INSL6: variants seen among roughly 807,000 people sequenced by gnomAD.
The protein encoded by INSL6 is insulin-like peptide INSL6.
INSL6 carries 16 observed loss-of-function variants against 9.4 expected under a neutral mutation model. The observed-to-expected ratio is 1.70, with a 90% CI of 1.15 to 2.59. The LOEUF is 2.59. Ranked by LOEUF, INSL6 falls within the 30% of genes most tolerant of loss-of-function variation. The pLI, the probability that INSL6 is intolerant of heterozygous loss-of-function variation, is 0.00. For missense variants in INSL6, 391 were observed against 257.3 expected (o/e 1.52, Z -3.56); for synonymous variants, 154 against 96.9 (o/e 1.59, Z -3.46).
At chr9:5,073,554 A>C in the INSL6 span, 1 of 654,764 alleles carries the variant, frequency 1.5e-6, no homozygotes, top group Non-Finnish European at 2.7e-6. Flanking sequence ...GGTCCATATA[A>C]AGGGACCAAA....
chr9:5,184,589 G>A (rs1825528179), intron 1 of INSL6, among the ~76,000 whole-genome samples: 1 of 152,142 alleles, frequency 6.6e-6, no homozygotes, highest in Admixed American at 6.5e-5. Context: ...AATACAGTAT[G>A]GTATATAGGG....
chr9:5,182,362 T>C (rs1461045396), intron 1 of INSL6, among the ~76,000 whole-genome samples: 2 of 151,966 alleles, frequency 1.3e-5, no homozygotes, highest in African/African-American at 2.4e-5. Flanking sequence ...AAAAAATATA[T>C]AATAAACACA....
chr9:5,091,801 A>G, the INSL6 span, among the ~76,000 whole-genome samples: 221 of 152,262 alleles, frequency 1.5e-3, no homozygotes, highest in African/African-American at 5.2e-3. Flanking sequence ...ATAAAAACCT[A>G]GTATACTGGA....
At chr9:5,147,413 C>A (rs1824621652) in intron 2 of INSL6, among the ~76,000 whole-genome samples, 1 of 152,192 alleles carries the variant, frequency 6.6e-6, no homozygotes, top group Non-Finnish European at 1.5e-5. Context: ...GGTTCTGCTG[C>A]AGAGGCAATG....
chr9:5,110,952 C>CA, the INSL6 span: 1 of 593,834 alleles, frequency 1.7e-6, no homozygotes, highest in East Asian at 4.1e-5. Flanking sequence ...TGGACACGGA[C>CA]AAGGAGCTCA....
the INSL6 span, among the ~76,000 whole-genome samples, chr9:5,095,640 C>G: frequency 3.3e-5 from 5 of 152,114 alleles, no homozygotes; most frequent in African/African-American, 1.2e-4. Flanking sequence ...TAGCCCCTAT[C>G]TCAATTATAT....
At chr9:5,122,910 G>T (rs1218943756), downstream of INSL6, 1 of 640,480 alleles carries the variant, frequency 1.6e-6, no homozygotes, top group Non-Finnish European at 2.5e-6. Flanking sequence ...TTCTCTACAT[G>T]TTTTTTTTTT....
chr9:5,168,858 C>G (rs1019478058), intron 1 of INSL6, among the ~76,000 whole-genome samples: 6 of 151,850 alleles, frequency 4.0e-5, no homozygotes, highest in African/African-American at 1.2e-4. Flanking sequence ...GGAAGCCCAT[C>G]ACACTAACAG....
At chr9:5,038,407 C>G in the INSL6 span, among the ~76,000 whole-genome samples, 3 of 152,126 alleles carry the variant, frequency 2.0e-5, no homozygotes, top group African/African-American at 7.2e-5. Context: ...AGGAGGATTT[C>G]TGAGCTCTTT....
At chr9:5,118,995 C>A (rs1011857376), downstream of INSL6, among the ~76,000 whole-genome samples, 14 of 152,080 alleles carry the variant, frequency 9.2e-5, no homozygotes, top group African/African-American at 3.4e-4. Flanking sequence ...CGTGGATGTA[C>A]CTTGTTTAAA....
intron 2 of INSL6, among the ~76,000 whole-genome samples, chr9:5,152,394 T>A (rs1282566628): frequency 6.6e-6 from 1 of 152,076 alleles, no homozygotes; most frequent in African/African-American, 2.4e-5. Context: ...GAAATTAATA[T>A]AAGAAAGATA....
chr9:5,074,246 TA>T, the INSL6 span, among the ~76,000 whole-genome samples: 1 of 152,154 alleles, frequency 6.6e-6, no homozygotes, highest in Admixed American at 6.5e-5. Flanking sequence ...CAGAAACTAC[TA>T]AAAGTATAAA....
the INSL6 span, among the ~76,000 whole-genome samples, chr9:5,117,570 A>C: frequency 6.6e-6 from 1 of 152,232 alleles, no homozygotes; most frequent in East Asian, 1.9e-4. Flanking sequence ...ACTTGCAAAA[A>C]TGTAAAACAA....
chr9:5,176,916 A>G (rs778764553), intron 1 of INSL6, among the ~76,000 whole-genome samples: 3 of 152,200 alleles, frequency 2.0e-5, no homozygotes, highest in Non-Finnish European at 2.9e-5. Context: ...ATTCACAGGT[A>G]TTTACAATAG....
the INSL6 span, among the ~76,000 whole-genome samples, chr9:5,087,474 A>ACTAGTAGTTCTTTTACT: frequency 2.0e-5 from 3 of 151,540 alleles, 1 homozygote; most frequent in Admixed American, 2.0e-4. Context: ...AAACCATATC[A>ACTAGTAGTTCTTTTACT]CTCCCTTACT....
chr9:5,029,464 C>T, the INSL6 span, among the ~76,000 whole-genome samples: 8 of 152,222 alleles, frequency 5.3e-5, no homozygotes, highest in African/African-American at 1.7e-4. Context: ...AAAGTGAGCA[C>T]GTGCTGTTGG....
At chr9:5,176,160 T>A (rs1255391301) in intron 1 of INSL6, among the ~76,000 whole-genome samples, 2 of 152,186 alleles carry the variant, frequency 1.3e-5, no homozygotes, top group African/African-American at 4.8e-5. Context: ...CCTGTATACA[T>A]CAGGCAGAAG....
chr9:5,179,837 T>C (rs1287594931), intron 1 of INSL6, among the ~76,000 whole-genome samples: 1 of 152,130 alleles, frequency 6.6e-6, no homozygotes, highest in African/African-American at 2.4e-5. Context: ...CACTGGGGCC[T>C]GCCTGACAGG....
At chr9:5,051,768 C>G in the INSL6 span, among the ~76,000 whole-genome samples, 3 of 152,160 alleles carry the variant, frequency 2.0e-5, no homozygotes, top group Admixed American at 1.3e-4. Context: ...CTCCCAATAA[C>G]TGGCTTCAGT....
Sources: gnomAD v4.1 joint callset for allele counts (sites outside exome capture counted in the v4.1 genomes callset) on GRCh38, gnomAD v4.1.1 for gene constraint, MANE v1.5 for transcripts, NCBI Gene and HGNC (gene_info 2026-07-23, HGNC 2026-07-21) for gene names.